PRKCE: variants seen among roughly 807,000 people sequenced by gnomAD.
PRKCE encodes protein kinase C epsilon.
In PRKCE, 16 loss-of-function variants were observed where a neutral mutation model predicts 85.4. That is an observed-to-expected ratio of 0.19 (90% CI 0.13 to 0.28). The LOEUF is 0.28. Ranked by LOEUF, PRKCE falls within the 10% of genes least tolerant of loss-of-function variation. The probability of loss-of-function intolerance (pLI) is 1.00; values close to 1 mark genes in which losing one functional copy is unlikely to be tolerated. For missense variants in PRKCE, 573 were observed against 975.2 expected, an observed-to-expected ratio of 0.59 and a Z score of 5.49; for synonymous variants, 388 against 371.5, an observed-to-expected ratio of 1.04 and a Z score of -0.51.
chr2:46,139,303 T>C lies in PRKCE; in HGVS notation c.1593-5790T>C, dbSNP rs2104453417. Among the ~76,000 whole-genome samples the C allele has an allele frequency of 6.6e-6, 1 of 152,202 alleles. No homozygotes were observed. The highest frequency in any genetic ancestry group is 2.4e-5 in the African/African-American group (1 of 41,530). ...ATCAACTGGAAAACTGTTACAAAAATAGAGGGTTCGGTATAATGGCAGGGC... is the reference window on the plus strand; with the variant it reads ...ATCAACTGGAAAACTGTTACAAAAACAGAGGGTTCGGTATAATGGCAGGGC... On this transcript the variant is annotated intron_variant, in intron 11 of 14. Coordinates refer to ENST00000306156, the MANE Select transcript of PRKCE (RefSeq NM_005400.3). The surrounding 1 kb of genome is among the most constrained non-coding windows in gnomAD (Gnocchi z 5.2).
intron 10 of PRKCE, among the ~76,000 whole-genome samples, chr2:46,055,119 G>A (rs989212610): frequency 6.6e-5 from 10 of 152,184 alleles, no homozygotes; most frequent in Admixed American, 3.9e-4. Context: ...GCAAAAGGCC[G>A]TCACACTGAC....
chr2:46,054,790 C>T (rs146472114), intron 10 of PRKCE, among the ~76,000 whole-genome samples: 4 of 152,238 alleles, frequency 2.6e-5, no homozygotes, highest in South Asian at 2.1e-4. Context: ...ACCCATGGCC[C>T]GCCCCACCCC....
chr2:45,922,066 T>C (rs73926115), intron 2 of PRKCE, among the ~76,000 whole-genome samples: 2,630 of 152,280 alleles, frequency 0.017, 87 homozygotes, highest in African/African-American at 0.06. Flanking sequence ...ATTCTTCCTC[T>C]ATGGGACTAT....
Position 46,145,124 on chromosome 2 carries a change from G to T in PRKCE, c.1624G>T (p.Ala542Ser). ...GAAACTGGACAACATCCTTCTGGAT[G>T]CAGAAGGTCACTGCAAGCTGGCTGA... ...DLKLDNILLD[A>S]EGHCKLADFG... Residue 542 changes from alanine to serine, a missense_variant, in exon 12 of 15, where the codon GCA becomes TCA. Around this residue, in one of 11 missense-constraint regions of PRKCE, gnomAD observed 15 missense variants for 42.2 expected, o/e 0.36. Transcript: ENST00000306156. The surrounding 1 kb of genome is among the most constrained non-coding windows in gnomAD (Gnocchi z 4.6). 1 of 1,599,774 alleles carries T rather than the reference G, an allele frequency of 6.3e-7. No individual in the cohort carries two copies.
rs115394165 is a variant in PRKCE at position 45,849,961 on chromosome 2, G to A, written c.412+6898G>A. The stretch of plus-strand genomic sequence containing the variant: ...TCAGCTGGAAAACAGTGAGCACCAA[G>A]CCCCCATCAAGGAGTTTATAATGTC... On this transcript the variant is annotated intron_variant, in intron 2 of 14. Transcript: ENST00000306156. Among the ~76,000 whole-genome samples, 528 of 152,304 alleles carry A rather than the reference G, an allele frequency of 3.5e-3. 4 individuals are homozygous for A. The highest frequency in any genetic ancestry group is 0.012 in the African/African-American group (498 of 41,556).
chr2:46,020,051 T>C (rs1706516641), intron 10 of PRKCE, among the ~76,000 whole-genome samples: 1 of 152,088 alleles, frequency 6.6e-6, no homozygotes, highest in African/African-American at 2.4e-5. Flanking sequence ...GGTTTTACCA[T>C]GTTGGCCAGG....
intron 2 of PRKCE, among the ~76,000 whole-genome samples, chr2:45,847,105 C>T (rs1691857864): frequency 6.6e-6 from 1 of 152,230 alleles, no homozygotes; most frequent in Non-Finnish European, 1.5e-5. Context: ...GCTTTCTGCA[C>T]AGTTCAGGCC....
intron 2 of PRKCE, among the ~76,000 whole-genome samples, chr2:45,930,837 C>T (rs777994472): frequency 3.0e-4 from 46 of 152,136 alleles, no homozygotes; most frequent in Non-Finnish European, 2.2e-4. Context: ...GCTTGATGTG[C>T]AGTCCCCCTA....
At chr2:46,130,783 C>G (rs1296036416) in intron 11 of PRKCE, among the ~76,000 whole-genome samples, 1 of 152,210 alleles carries the variant, frequency 6.6e-6, no homozygotes, top group African/African-American at 2.4e-5. Context: ...AAGATATGTC[C>G]TGTACACAGG....
At chr2:45,839,646 G>C (rs1199054819) in intron 1 of PRKCE, among the ~76,000 whole-genome samples, 1 of 152,192 alleles carries the variant, frequency 6.6e-6, no homozygotes, top group Non-Finnish European at 1.5e-5. Flanking sequence ...CACTTACATT[G>C]CATCATTATC....
In PRKCE at chr2:45,905,695, G is replaced by A. The variant is rs1219185398; in HGVS notation, c.412+62632G>A. Among the ~76,000 whole-genome samples, 1 of 152,166 alleles carries A rather than the reference G, an allele frequency of 6.6e-6. No homozygotes were observed. Among genetic ancestry groups the A allele is most frequent in the Admixed American group, 6.5e-5 (1 of 15,284 alleles). ...GCTGGGAGGGTGGATGCCAGGTGGT[G>A]GAACACTGCAACTGTGATCTACAAA... On this transcript the variant is annotated intron_variant, in intron 2 of 14. Coordinates refer to ENST00000306156, the MANE Select transcript of PRKCE (RefSeq NM_005400.3). This position sits in a 1 kb window ranked among gnomAD's most constrained non-coding sequence, Gnocchi z 4.4.
chr2:45,885,504 T>A (rs549881896), intron 2 of PRKCE, among the ~76,000 whole-genome samples: 3 of 152,344 alleles, frequency 2.0e-5, no homozygotes, highest in Non-Finnish European at 4.4e-5. Flanking sequence ...TGTATTTTGA[T>A]ACATGTCTTC....
chr2:45,794,852 C>CCCT (rs1687305307), intron 1 of PRKCE, among the ~76,000 whole-genome samples: 1 of 151,366 alleles, frequency 6.6e-6, no homozygotes, highest in Non-Finnish European at 1.5e-5. Context: ...CCTACCCCCC[C>CCCT]CCCCATCCAC....
At chr2:45,698,746 C>T (rs1336231625) in intron 1 of PRKCE, among the ~76,000 whole-genome samples, 1 of 152,152 alleles carries the variant, frequency 6.6e-6, no homozygotes, top group African/African-American at 2.4e-5. Context: ...TCTGGAAAAA[C>T]AGCCAATCTG....
At chr2:46,180,784 A>C (rs1210955316) in intron 14 of PRKCE, among the ~76,000 whole-genome samples, 2 of 152,234 alleles carry the variant, frequency 1.3e-5, no homozygotes, top group Non-Finnish European at 2.9e-5. Flanking sequence ...CCCGTGTGAC[A>C]GATGGAAAGA....
At chr2:45,656,122 A>G (rs920229421) in intron 1 of PRKCE, among the ~76,000 whole-genome samples, 10 of 152,204 alleles carry the variant, frequency 6.6e-5, no homozygotes, top group African/African-American at 2.4e-4. Context: ...TTTTCTGAGT[A>G]CTGCCTGTGC....
At chr2:46,024,099 C>T (rs1706904928) in intron 10 of PRKCE, among the ~76,000 whole-genome samples, 1 of 152,110 alleles carries the variant, frequency 6.6e-6, no homozygotes, top group African/African-American at 2.4e-5. Context: ...GATTAGCCTC[C>T]TGAGGATTGA....
chr2:45,917,882 G>C (rs1697934888), intron 2 of PRKCE, among the ~76,000 whole-genome samples: 1 of 151,112 alleles, frequency 6.6e-6, no homozygotes. Flanking sequence ...ACTGCTGGGG[G>C]ACCCAGTACA....
At chr2:46,106,718 G>A (rs1281084806) in intron 11 of PRKCE, among the ~76,000 whole-genome samples, 2 of 152,218 alleles carry the variant, frequency 1.3e-5, no homozygotes, top group Non-Finnish European at 2.9e-5. Flanking sequence ...CAGGACACCA[G>A]TCAGATTGGA....
Sources: allele counts gnomAD v4.1 joint callset (sites outside exome capture counted in the v4.1 genomes callset), GRCh38; gene constraint gnomAD v4.1.1; regional missense constraint gnomAD v4.1.1; non-coding constraint Gnocchi (gnomAD v3.1); transcripts MANE v1.5; gene names NCBI Gene and HGNC (gene_info 2026-07-23, HGNC 2026-07-21).